ZNF454: variants seen among roughly 807,000 people sequenced by gnomAD.
ZNF454 encodes the protein zinc finger protein 454.
A neutral mutation model predicts 48.2 loss-of-function variants in ZNF454; 30 were observed. The ratio of observed to expected loss-of-function variants is 0.62; its 90% CI spans 0.47 to 0.84. The LOEUF is 0.84. Among genes scored for constraint, ZNF454 ranks in the 40% least tolerant of loss-of-function variants. The pLI, the probability that ZNF454 is intolerant of heterozygous loss-of-function variation, is 0.00. For missense variants in ZNF454, 510 were observed against 623.1 expected (o/e 0.82, Z 1.93); for synonymous variants, 204 against 211.4 (o/e 0.97, Z 0.30).
chr5:178,982,777 AG>A, the ZNF454 span: 1 of 688,174 alleles, frequency 1.5e-6, no homozygotes, highest in African/African-American at 1.8e-5. Context: ...CAAAGTAAGA[AG>A]GGAATGAGTG....
At chr5:178,985,458 CT>C in the ZNF454 span, among the ~76,000 whole-genome samples, 1 of 151,222 alleles carries the variant, frequency 6.6e-6, no homozygotes, top group Non-Finnish European at 1.5e-5. Flanking sequence ...CATCCCAGCA[CT>C]TTGGGAGGCC....
chr5:178,941,235 C>T lies in ZNF454; in HGVS notation c.-317C>T. ...CAGACTCCAGCTCATTGTGTTCTGA[C>T]TGCGATGTGGCGCTTGCGATCTCTC... On this transcript the variant is annotated 5_prime_UTR_variant, in exon 1 of 5. Coordinates refer to ENST00000519564, the MANE Select transcript of ZNF454 (RefSeq NM_001178089.3). This position sits in a 1 kb window ranked among gnomAD's most constrained non-coding sequence, Gnocchi z 5.5. 5.2e-6 allele frequency: 2 copies of T among 388,260 alleles called. No homozygotes were observed. Among genetic ancestry groups the T allele is most frequent in the Non-Finnish European group, 1.0e-5 (2 of 193,348 alleles). 24.1% of individuals were successfully genotyped at this position (388,260 alleles called of 1,614,324 possible). A position where few individuals can be genotyped will look rare whatever the true frequency, so the allele number is the denominator to read the frequency against.
the ZNF454 span, among the ~76,000 whole-genome samples, chr5:178,984,714 A>C: frequency 9.1e-3 from 1,382 of 152,216 alleles, 18 homozygotes; most frequent in African/African-American, 0.032. Flanking sequence ...AGGCCCTGTT[A>C]CGTGGAGGAA....
At chr5:178,988,989 C>G in the ZNF454 span, 1 of 1,614,100 alleles carries the variant, frequency 6.2e-7, no homozygotes, top group Non-Finnish European at 8.5e-7. This position sits in a 1 kb window ranked among gnomAD's most constrained non-coding sequence, Gnocchi z 6.0. Flanking sequence ...TCAGTGGGTT[C>G]CATCGCCGGG....
At chr5:178,950,314 A>G (rs1465963749) in intron 4 of ZNF454, among the ~76,000 whole-genome samples, 1 of 152,130 alleles carries the variant, frequency 6.6e-6, no homozygotes, top group Non-Finnish European at 1.5e-5. Flanking sequence ...GTGCTGAGAG[A>G]TTTGGGGGGA....
At chr5:178,983,062 T>C in the ZNF454 span, 1 of 1,614,090 alleles carries the variant, frequency 6.2e-7, no homozygotes, top group Non-Finnish European at 8.5e-7. Flanking sequence ...CACGTGACCA[T>C]GAGCAGGAGG....
At chr5:178,947,619 A>G (rs1277717538) in intron 4 of ZNF454, among the ~76,000 whole-genome samples, 1 of 152,092 alleles carries the variant, frequency 6.6e-6, no homozygotes, top group Non-Finnish European at 1.5e-5. Flanking sequence ...AAAAGACATG[A>G]CAGTTTGGTG....
chr5:178,985,982 G>A, the ZNF454 span: 64 of 714,338 alleles, frequency 9.0e-5, no homozygotes, highest in Middle Eastern at 7.9e-4. Context: ...GGCTGGTCTC[G>A]AACTCCTGGA....
At chr5:178,955,947 T>C (rs948266562) in intron 4 of ZNF454, among the ~76,000 whole-genome samples, 1 of 152,198 alleles carries the variant, frequency 6.6e-6, no homozygotes, top group African/African-American at 2.4e-5. Flanking sequence ...GTTTTGCTCC[T>C]GTGCCATGAC....
intron 4 of ZNF454, among the ~76,000 whole-genome samples, chr5:178,954,283 C>T (rs1166915338): frequency 1.3e-5 from 2 of 151,910 alleles, no homozygotes; most frequent in Non-Finnish European, 2.9e-5. Flanking sequence ...GAAACTGTGT[C>T]TTAAAAAAAT....
downstream of ZNF454, among the ~76,000 whole-genome samples, chr5:178,969,965 G>A (rs550974693): frequency 1.5e-3 from 224 of 152,240 alleles, 2 homozygotes; most frequent in Non-Finnish European, 2.3e-3. Flanking sequence ...TGTCATCTGG[G>A]TTCTTTCTCC....
chr5:178,977,886 G>A, the ZNF454 span, among the ~76,000 whole-genome samples: 6,927 of 152,230 alleles, frequency 0.046, 205 homozygotes, highest in East Asian at 0.14. Flanking sequence ...CACTCAGCCA[G>A]ATCCAGTCCT....
chr5:178,968,880 C>T (rs1420262244), downstream of ZNF454: 34 of 456,580 alleles, frequency 7.4e-5, no homozygotes, highest in Non-Finnish European at 9.3e-5. Flanking sequence ...TCACCTCAGC[C>T]GCGGCTCCAG....
intron 4 of ZNF454, among the ~76,000 whole-genome samples, chr5:178,955,602 C>T (rs1459684463): frequency 6.6e-6 from 1 of 152,126 alleles, no homozygotes; most frequent in African/African-American, 2.4e-5. Flanking sequence ...AAAGAGTTTG[C>T]ATTGATATTC....
At chr5:178,974,873 C>A in the ZNF454 span, among the ~76,000 whole-genome samples, 1 of 152,176 alleles carries the variant, frequency 6.6e-6, no homozygotes. Flanking sequence ...AAATGTGAAG[C>A]TTTGTGATAG....
At chr5:178,955,089 T>A (rs1248183645) in intron 4 of ZNF454, among the ~76,000 whole-genome samples, 3 of 152,226 alleles carry the variant, frequency 2.0e-5, no homozygotes, top group African/African-American at 7.2e-5. Context: ...AGGAGTAGGA[T>A]TGCTGGTTGT....
chr5:178,952,587 T>C (rs1759603701), intron 4 of ZNF454, among the ~76,000 whole-genome samples: 2 of 152,222 alleles, frequency 1.3e-5, no homozygotes, highest in Non-Finnish European at 2.9e-5. Flanking sequence ...TTTGTCTTTA[T>C]GATCTTTATT....
At chr5:178,959,283 C>T (rs1456669710) in intron 4 of ZNF454, among the ~76,000 whole-genome samples, 4 of 152,120 alleles carry the variant, frequency 2.6e-5, no homozygotes, top group East Asian at 1.9e-4. Flanking sequence ...ACTGCATGTA[C>T]GTGGGTCTCA....
At chr5:178,982,755 T>G in the ZNF454 span, 1 of 628,388 alleles carries the variant, frequency 1.6e-6, no homozygotes, top group Non-Finnish European at 2.9e-6. Context: ...CTTGGAAAAG[T>G]GAATGAATGA....
Sources: allele counts gnomAD v4.1 joint callset (sites outside exome capture counted in the v4.1 genomes callset), GRCh38; gene constraint gnomAD v4.1.1; non-coding constraint Gnocchi (gnomAD v3.1); transcripts MANE v1.5; gene names NCBI Gene and HGNC (gene_info 2026-07-23, HGNC 2026-07-21).